Variants in DNAH12 observed in about 807,000 individuals in gnomAD.
DNAH12 encodes dynein axonemal heavy chain 12.
DNAH12 carries 285 observed loss-of-function variants against 371.5 expected under a neutral mutation model. The observed-to-expected ratio is 0.77, with a 90% CI of 0.70 to 0.85. The LOEUF (loss-of-function observed/expected upper bound fraction) is 0.85, where lower values mean the gene tolerates loss of function less well. DNAH12 is among the 40% of genes least tolerant of loss of function. The pLI, the probability that DNAH12 is intolerant of heterozygous loss-of-function variation, is 0.00. For synonymous variants in DNAH12, 1,200 were observed against 1,213.0 expected, an observed-to-expected ratio of 0.99 and a Z score of 0.22; for missense variants, 3,611 against 3,689.4, an observed-to-expected ratio of 0.98 and a Z score of 0.55.
At chr3:57,530,413 C>T in intron 2 of DNAH12, 1 of 610,952 alleles carries the variant, frequency 1.6e-6, no homozygotes, top group Non-Finnish European at 3.0e-6. Context: ...AGCACATAGC[C>T]ATCTGCTGGG....
chr3:57,408,261 C>A lies in DNAH12; in HGVS notation c.6276+19G>T, dbSNP rs553765846. On this transcript the variant is annotated intron_variant, in intron 40 of 73. Coordinates refer to ENST00000495027, the MANE Select transcript of DNAH12 (RefSeq NM_001366028.2). ...GAAATATGTAATACTAAAACATTTACATTGCATTATTGACTGACCTCCATA... is the reference window on the plus strand; with the variant it reads ...GAAATATGTAATACTAAAACATTTAAATTGCATTATTGACTGACCTCCATA... 1 of 1,503,476 alleles carries A rather than the reference C, an allele frequency of 6.7e-7. No individual in the cohort carries two copies. Among genetic ancestry groups the A allele is most frequent in the South Asian group, 1.3e-5 (1 of 75,028 alleles). 93.1% of individuals were successfully genotyped at this position (1,503,476 alleles called of 1,614,324 possible).
chr3:57,296,812 A>G, intron 71 of DNAH12, 35 bp downstream of exon 71: 3 of 1,544,600 alleles, frequency 1.9e-6, no homozygotes, highest in Non-Finnish European at 2.6e-6. Flanking sequence ...GACTTAATGT[A>G]ATGATATACT....
At chr3:57,496,945 G>A (rs1173600835) in intron 11 of DNAH12, among the ~76,000 whole-genome samples, 1 of 151,948 alleles carries the variant, frequency 6.6e-6, no homozygotes, top group African/African-American at 2.4e-5. Flanking sequence ...CTACAGCCTA[G>A]GCAACAAGAG....
At chr3:57,514,453 G>GTATGAC (rs1456862283) in intron 4 of DNAH12, among the ~76,000 whole-genome samples, 1 of 151,270 alleles carries the variant, frequency 6.6e-6, no homozygotes, top group Admixed American at 6.6e-5. Flanking sequence ...AGTATCTACA[G>GTATGAC]TATGACGCAT....
intron 2 of DNAH12, among the ~76,000 whole-genome samples, chr3:57,526,527 CTT>C (rs759097908): frequency 9.1e-5 from 11 of 121,238 alleles, no homozygotes; most frequent in Admixed American, 1.7e-4. Flanking sequence ...GTTTCCAGAT[CTT>C]TTTTTTTTTT....
chr3:57,415,566 T>C lies in DNAH12; in HGVS notation c.5715-2A>G. On this transcript the variant is annotated splice_acceptor_variant, in intron 37 of 73. Coordinates refer to ENST00000495027, the MANE Select transcript of DNAH12 (RefSeq NM_001366028.2). LOFTEE classifies it high-confidence loss of function. Reference sequence around the variant, plus strand: ...GTTGGACCCACAAAAAGGAGTGGCCTTAATGAAAACAATGAATATATTATT... The same window carrying C: ...GTTGGACCCACAAAAAGGAGTGGCCCTAATGAAAACAATGAATATATTATT... The C allele has an allele frequency of 1.3e-6, 2 of 1,527,606 alleles. No homozygotes were observed. The highest frequency in any genetic ancestry group is 1.8e-6 in the Non-Finnish European group (2 of 1,141,628). The allele number at this position is 1,527,606 out of a possible 1,614,324, so 94.6% of individuals were successfully genotyped here. A position where few individuals can be genotyped will look rare whatever the true frequency, so the allele number is the denominator to read the frequency against.
At chr3:57,308,617 A>C (rs939855357) in intron 69 of DNAH12, among the ~76,000 whole-genome samples, 12 of 152,044 alleles carry the variant, frequency 7.9e-5, no homozygotes, top group African/African-American at 2.4e-4. Flanking sequence ...ACTACTCATA[A>C]ATGCCCTGCT....
intron 29 of DNAH12, among the ~76,000 whole-genome samples, chr3:57,442,203 G>A (rs910430502): frequency 2.0e-5 from 3 of 151,696 alleles, no homozygotes; most frequent in Non-Finnish European, 4.4e-5. Flanking sequence ...AAGTTTTTTA[G>A]GTTAAAAATA....
At chr3:57,345,839 G>A (rs1205820380) in intron 60 of DNAH12, among the ~76,000 whole-genome samples, 1 of 152,098 alleles carries the variant, frequency 6.6e-6, no homozygotes, top group African/African-American at 2.4e-5. Context: ...TATATTTTAT[G>A]TATTTATGAC....
At position 57,510,790 on chromosome 3, in the gene DNAH12, C is replaced by A. The variant is rs758159770; in HGVS notation, c.469G>T (p.Val157Leu). The part of the protein sequence containing the change: ...DFENSMKRYL[V>L]QSVLVKPPVK... ...CTGGTGTGTGTTAGATGCTACTTAC[C>A]CAAATATCTCTTCATGCTGTTTTCA... Residue 157 changes from valine to leucine, a missense_variant and splice_region_variant, in exon 5 of 74, where the codon GTG (valine) becomes TTG (leucine). Physicochemically the swap from Val to Leu is conservative, Grantham distance 32. Coordinates refer to ENST00000495027, the MANE Select transcript of DNAH12 (RefSeq NM_001366028.2). 4.3e-6 allele frequency: 7 copies of A among 1,613,264 alleles called. No individual in the cohort carries two copies. Among genetic ancestry groups the A allele is most frequent in the Non-Finnish European group, 5.1e-6 (6 of 1,179,816 alleles).
At chr3:57,548,731 A>G (rs1185663628), upstream of DNAH12, 1 of 152,078 alleles carries the variant, frequency 6.6e-6, no homozygotes, top group Non-Finnish European at 1.5e-5. Flanking sequence ...AAATGAAAAC[A>G]AACGAGGAAA....
rs1226912640 is a variant in DNAH12, at chr3:57,445,992, A to T, written c.4179+39T>A. 16 of 1,403,870 alleles carry T rather than the reference A, an allele frequency of 1.1e-5. 1 individual carries two copies. The South Asian group carries it at 1.9e-4, about 17-fold the overall frequency. 87.0% of individuals were successfully genotyped at this position (1,403,870 alleles called of 1,614,324 possible). A position where few individuals can be genotyped will look rare whatever the true frequency, so the allele number is the denominator to read the frequency against. On this transcript the variant is annotated intron_variant, in intron 27 of 73. Coordinates refer to ENST00000495027, the MANE Select transcript of DNAH12 (RefSeq NM_001366028.2). ...AATAGAGTAAGACTGTTTCAAAAAC[A>T]TAAAATAAATAAATAAATAAATAAA...
At chr3:57,324,521 C>T (rs1559553971) in intron 62 of DNAH12, among the ~76,000 whole-genome samples, 2 of 152,112 alleles carry the variant, frequency 1.3e-5, no homozygotes, top group Non-Finnish European at 2.9e-5. Flanking sequence ...GCAGATTGCC[C>T]TCCACAATGT....
At chr3:57,321,159 G>A (rs1324886376) in intron 65 of DNAH12, among the ~76,000 whole-genome samples, 1 of 152,008 alleles carries the variant, frequency 6.6e-6, no homozygotes, top group African/African-American at 2.4e-5. Flanking sequence ...TCTTCTAATT[G>A]CAGGAGCTCA....
At chr3:57,309,591 A>G (rs2061544976) in intron 68 of DNAH12, 75 bp downstream of exon 68, 3 of 1,301,226 alleles carry the variant, frequency 2.3e-6, no homozygotes, top group South Asian at 2.0e-5. Flanking sequence ...ATGCTAGTAC[A>G]TGGAGTTTTC....
Position 57,385,746 on chromosome 3 carries a change from G to A in DNAH12, c.7603-317C>T, listed in dbSNP as rs923705580. Reference sequence around the variant, plus strand: ...AAAATAAAAATATTTGCCAGGCGTGGCAGCATGTGCCTGTAATCCCAGCTA... The same window carrying A: ...AAAATAAAAATATTTGCCAGGCGTGACAGCATGTGCCTGTAATCCCAGCTA... On this transcript the variant is annotated intron_variant, in intron 47 of 73. Coordinates refer to ENST00000495027, the MANE Select transcript of DNAH12 (RefSeq NM_001366028.2). Among the ~76,000 whole-genome samples, 4 of 152,258 alleles carry A rather than the reference G, an allele frequency of 2.6e-5. No individual in the cohort carries two copies. The South Asian group carries it at 8.3e-4, about 32-fold the overall frequency.
intron 60 of DNAH12, among the ~76,000 whole-genome samples, chr3:57,349,239 C>G (rs1426446693): frequency 6.6e-6 from 1 of 152,176 alleles, no homozygotes; most frequent in African/African-American, 2.4e-5. Flanking sequence ...CTCAACATCA[C>G]TAATTATCAG....
chr3:57,322,440 T>C lies in DNAH12; in HGVS notation c.10427A>G (p.Glu3476Gly). Residue 3476 changes from glutamate to glycine, a missense_variant, in exon 65 of 74, where the codon GAA becomes GGA. Coordinates refer to ENST00000495027, the MANE Select transcript of DNAH12 (RefSeq NM_001366028.2). ...ILQNGVKMTN[E>G]PPTGLRLNLL... ...ATTCAGCCGAAGACCCGTGGGAGGT[T>C]CATTAGTCATTTTTACTCCATTCTG... 1 of 1,552,268 alleles carries C rather than the reference T, an allele frequency of 6.4e-7. No homozygotes were observed. The highest frequency in any genetic ancestry group is 8.7e-7 in the Non-Finnish European group (1 of 1,147,116).
chr3:57,479,814 C>A (rs1233422912), intron 13 of DNAH12, among the ~76,000 whole-genome samples: 2 of 152,166 alleles, frequency 1.3e-5, no homozygotes, highest in Non-Finnish European at 2.9e-5. Flanking sequence ...CCTGCTCCTG[C>A]ATGACTACTG....
Sources: allele counts gnomAD v4.1 joint callset (sites outside exome capture counted in the v4.1 genomes callset), GRCh38; gene constraint gnomAD v4.1.1; transcripts MANE v1.5; gene names NCBI Gene and HGNC (gene_info 2026-07-23, HGNC 2026-07-21).